ZNF716: variants seen among roughly 807,000 people sequenced by gnomAD.
The protein encoded by ZNF716 is zinc finger protein 716.
A neutral mutation model predicts 13.4 loss-of-function variants in ZNF716; 9 were observed. The observed-to-expected ratio is 0.67, with a 90% CI of 0.41 to 1.18. The LOEUF is 1.18. Among genes scored for constraint, ZNF716 ranks in the 50% most tolerant of loss-of-function variants. The pLI is 0.01. For synonymous variants in ZNF716, 186 were observed against 195.2 expected (o/e 0.95, Z 0.39); for missense variants, 581 against 576.6 (o/e 1.01, Z -0.08).
Position 57,468,861 on chromosome 7 carries a change from G to A in ZNF716, c.400G>A (p.Glu134Lys), listed in dbSNP as rs782354502. The change falls in exon 4 of 4, where the codon GAG becomes AAG. Residue 134 changes from glutamate (E) to lysine (K), a missense_variant. Physicochemically the swap from Glu to Lys is moderately conservative, Grantham distance 56. Transcript: ENST00000420713. The stretch of plus-strand genomic sequence containing the variant: ...AAAAAAATGCTGTAAAAGTGTAGGT[G>A]AGTGTGAGGTGCACAAAGGAGGTTA... ...QVKKCCKSVG[E>K]CEVHKGGYNY... is the part of the protein sequence containing the mutation. 27 of 1,613,562 alleles carry A rather than the reference G, an allele frequency of 1.7e-5. No individual in the cohort carries two copies. The highest frequency in any genetic ancestry group is 2.1e-5 in the Non-Finnish European group (25 of 1,179,840).
chr7:57,462,723 T>C (rs1789731348), intron 2 of ZNF716, 137 bp downstream of exon 2: 1 of 1,066,398 alleles, frequency 9.4e-7, no homozygotes, highest in Non-Finnish European at 1.4e-6. Context: ...CATTGGTATA[T>C]AGCAAATTCT....
chr7:57,469,233 A>G lies in ZNF716; in HGVS notation c.772A>G (p.Lys258Glu), dbSNP rs1554324693. ...KAFSWSASLTKHKRIHTGEKP... is the reference protein window; with the variant it reads ...KAFSWSASLTEHKRIHTGEKP... The stretch of plus-strand genomic sequence containing the variant: ...TTTTAGCTGGTCTGCATCCCTTACT[A>G]AACATAAGAGAATTCATACTGGAGA... The change falls in exon 4 of 4, where the codon AAA becomes GAA. Residue 258 changes from lysine (K) to glutamate (E), a missense_variant. Coordinates refer to ENST00000420713, the MANE Select transcript of ZNF716 (RefSeq NM_001159279.1). The G allele has an allele frequency of 1.2e-6, 2 of 1,612,614 alleles. No homozygotes were observed. Among genetic ancestry groups the G allele is most frequent in the Non-Finnish European group, 1.7e-6 (2 of 1,179,312 alleles).
intron 1 of ZNF716, among the ~76,000 whole-genome samples, chr7:57,451,725 G>C (rs1789498965): frequency 6.6e-6 from 1 of 151,510 alleles, no homozygotes; most frequent in Non-Finnish European, 1.5e-5. Context: ...TGGGATTACA[G>C]GAATAGGCTA....
intron 2 of ZNF716, 131 bp downstream of exon 2, chr7:57,462,717 G>T: frequency 9.0e-7 from 1 of 1,107,116 alleles, no homozygotes; most frequent in Non-Finnish European, 1.3e-6. Flanking sequence ...GGGATTCATT[G>T]GTATATAGCA....
chr7:57,465,416 A>C (rs367589830), intron 3 of ZNF716, among the ~76,000 whole-genome samples: 1 of 152,078 alleles, frequency 6.6e-6, no homozygotes, highest in South Asian at 2.1e-4. Context: ...GCAGTAGCAC[A>C]ATCTTGGCTC....
chr7:57,457,389 G>C (rs1789616805), intron 1 of ZNF716, among the ~76,000 whole-genome samples: 1 of 152,302 alleles, frequency 6.6e-6, no homozygotes, highest in Middle Eastern at 3.4e-3. Flanking sequence ...CTGTCACCCA[G>C]GCTGGAGTGC....
At chr7:57,462,997 T>C in intron 2 of ZNF716, 76 bp from the exon 3 acceptor site, 6 of 1,556,922 alleles carry the variant, frequency 3.9e-6, no homozygotes, top group Non-Finnish European at 5.2e-6. Context: ...ATATCCTCTT[T>C]ACTAAGCATA....
At chr7:57,458,168 C>T (rs1789637753) in intron 1 of ZNF716, among the ~76,000 whole-genome samples, 1 of 152,092 alleles carries the variant, frequency 6.6e-6, no homozygotes, top group South Asian at 2.1e-4. Flanking sequence ...TGGGTATATT[C>T]CCAATTGTGG....
chr7:57,466,813 A>G (rs1270274024), intron 3 of ZNF716, among the ~76,000 whole-genome samples: 2 of 151,772 alleles, frequency 1.3e-5, no homozygotes, highest in South Asian at 2.1e-4. Context: ...TGAGATCTTA[A>G]TGTTTGTAAT....
intron 1 of ZNF716, among the ~76,000 whole-genome samples, chr7:57,450,834 G>A (rs1047436171): frequency 1.3e-5 from 2 of 152,064 alleles, no homozygotes; most frequent in African/African-American, 4.8e-5. Flanking sequence ...GGAGAGACTT[G>A]AAGGAAAGTT....
At chr7:57,451,750 C>T (rs1284904512) in intron 1 of ZNF716, among the ~76,000 whole-genome samples, 1 of 147,138 alleles carries the variant, frequency 6.8e-6, no homozygotes, top group Non-Finnish European at 1.5e-5. Context: ...ACCCAGCCTG[C>T]GTTTTTCAAC....
At chr7:57,455,619 C>G (rs1157285033) in intron 1 of ZNF716, among the ~76,000 whole-genome samples, 2 of 151,626 alleles carry the variant, frequency 1.3e-5, no homozygotes, top group African/African-American at 4.8e-5. Flanking sequence ...TGGATTCAAG[C>G]AATTCTCTTG....
Position 57,451,487 on chromosome 7 carries a change from G to T in ZNF716, c.39+1160G>T, listed in dbSNP as rs1483073544. ...TTTTGAGATAGAGCCTCGCAATGTT[G>T]CCCAAGCTGGAGTTCAGTGGTGTGA... On this transcript the variant is annotated intron_variant, in intron 1 of 3. Coordinates refer to ENST00000420713, the MANE Select transcript of ZNF716 (RefSeq NM_001159279.1). Among the ~76,000 whole-genome samples the T allele has an allele frequency of 5.3e-5, 6 of 112,956 alleles. No homozygotes were observed. In the Admixed American group the frequency reaches 6.4e-4, roughly 12 times the overall value. The allele number at this position is 112,956 out of a possible 152,430, so 74.1% of individuals were successfully genotyped here.
chr7:57,450,449 C>T, intron 1 of ZNF716, 122 bp downstream of exon 1: 2 of 1,557,590 alleles, frequency 1.3e-6, no homozygotes, highest in Non-Finnish European at 1.8e-6. Context: ...CCCAAATCCT[C>T]CTTGTCCCAG....
At chr7:57,460,116 G>A (rs1182160852) in intron 1 of ZNF716, among the ~76,000 whole-genome samples, 3 of 152,022 alleles carry the variant, frequency 2.0e-5, no homozygotes, top group Non-Finnish European at 2.9e-5. Context: ...GGCCGGGTGC[G>A]GTGGCTCACG....
chr7:57,461,379 A>G (rs1554323067), intron 1 of ZNF716, among the ~76,000 whole-genome samples: 3 of 152,202 alleles, frequency 2.0e-5, no homozygotes, highest in Non-Finnish European at 4.4e-5. Context: ...AATGTGTCCC[A>G]GTACAGTTGA....
In ZNF716 at chr7:57,451,479, G is replaced by A. The variant is rs1248246486; in HGVS notation, c.39+1152G>A. 4.3e-5 allele frequency among the ~76,000 whole-genome samples: 5 copies of A among 114,984 alleles called. No homozygotes were observed. In the East Asian group the frequency reaches 8.1e-4, roughly 19 times the overall value. 75.4% of individuals were successfully genotyped at this position (114,984 alleles called of 152,430 possible). ...TTTTTTTTTTTTGAGATAGAGCCTC[G>A]CAATGTTGCCCAAGCTGGAGTTCAG... On this transcript the variant is annotated intron_variant, in intron 1 of 3. Coordinates refer to ENST00000420713, the MANE Select transcript of ZNF716 (RefSeq NM_001159279.1).
At chr7:57,465,361 T>G (rs1789786456) in intron 3 of ZNF716, among the ~76,000 whole-genome samples, 1 of 152,158 alleles carries the variant, frequency 6.6e-6, no homozygotes, top group Non-Finnish European at 1.5e-5. Context: ...TCTTACATTT[T>G]TTTTTTTGAC....
intron 1 of ZNF716, among the ~76,000 whole-genome samples, chr7:57,460,696 A>C (rs1452714278): frequency 6.6e-6 from 1 of 152,154 alleles, no homozygotes; most frequent in Non-Finnish European, 1.5e-5. Flanking sequence ...GAAGGTGTGG[A>C]TACTCAATAT....
Sources: gnomAD v4.1 joint callset for allele counts (sites outside exome capture counted in the v4.1 genomes callset) on GRCh38, gnomAD v4.1.1 for gene constraint, MANE v1.5 for transcripts, NCBI Gene and HGNC (gene_info 2026-07-23, HGNC 2026-07-21) for gene names.